The following CECR2 variants were observed in gnomAD, a reference collection of about 807,000 sequenced individuals.
CECR2 encodes CECR2 histone acetyl-lysine reader.
A neutral mutation model predicts 154.5 loss-of-function variants in CECR2; 30 were observed. That is an observed-to-expected ratio of 0.19 (90% CI 0.15 to 0.26). The LOEUF (loss-of-function observed/expected upper bound fraction) is 0.26. CECR2 is among the 10% of genes least tolerant of loss of function. The pLI is 1.00. For synonymous variants in CECR2, 725 were observed against 683.7 expected, an observed-to-expected ratio of 1.06 and a Z score of -0.94; for missense variants, 1,743 against 1,829.3, an observed-to-expected ratio of 0.95 and a Z score of 0.86.
intron 1 of CECR2, among the ~76,000 whole-genome samples, chr22:17,377,874 A>G (rs1432357923): frequency 6.6e-6 from 1 of 152,156 alleles, no homozygotes; most frequent in Non-Finnish European, 1.5e-5. Context: ...TGAGCTCCAG[A>G]TTGTGTTCCT....
chr22:17,375,244 G>C (rs1014997143), intron 1 of CECR2, among the ~76,000 whole-genome samples: 8 of 152,108 alleles, frequency 5.3e-5, no homozygotes, highest in African/African-American at 1.9e-4. Context: ...CTCCCAAGTA[G>C]CTGGGATTAC....
At chr22:17,511,518 ATTT>A (rs36060157) in intron 7 of CECR2, among the ~76,000 whole-genome samples, 5 of 146,458 alleles carry the variant, frequency 3.4e-5, no homozygotes, top group Non-Finnish European at 4.5e-5. Context: ...TGGGAAGATA[ATTT>A]TTTTTTTTTT....
intron 5 of CECR2, among the ~76,000 whole-genome samples, chr22:17,502,235 T>TG (rs1382035845): frequency 2.0e-5 from 3 of 152,194 alleles, no homozygotes; most frequent in Non-Finnish European, 2.9e-5. Context: ...TGAGGTCACA[T>TG]TGTAAGTGGC....
At chr22:17,439,169 T>C (rs1188955999) in intron 1 of CECR2, among the ~76,000 whole-genome samples, 10 of 114,542 alleles carry the variant, frequency 8.7e-5, no homozygotes, top group South Asian at 6.1e-4. Context: ...AAACACTCCC[T>C]TTTTTTTTTT....
chr22:17,469,514 G>A (rs774234324), intron 1 of CECR2, among the ~76,000 whole-genome samples: 35 of 151,988 alleles, frequency 2.3e-4, no homozygotes, highest in Non-Finnish European at 3.5e-4. Context: ...CAGGGGGGAT[G>A]ATTACTGCCA....
chr22:17,524,925 C>T (rs1195092777), intron 9 of CECR2: 4 of 397,214 alleles, frequency 1.0e-5, no homozygotes, highest in Admixed American at 2.7e-5. Context: ...CCTCGGCCTC[C>T]CAAAGTGCTG....
intron 1 of CECR2, among the ~76,000 whole-genome samples, chr22:17,443,746 G>T (rs1350636414): frequency 1.3e-5 from 2 of 152,082 alleles, no homozygotes; most frequent in Non-Finnish European, 2.9e-5. Flanking sequence ...TCCTGGTTTA[G>T]CCTACTTTAT....
At chr22:17,381,104 CG>C (rs138788800) in intron 1 of CECR2, among the ~76,000 whole-genome samples, 9 of 18,342 alleles carry the variant, frequency 4.9e-4, no homozygotes, top group African/African-American at 1.5e-3. Context: ...CGGGGGTGGG[CG>C]GGGGGGAAGG....
intron 2 of CECR2, among the ~76,000 whole-genome samples, chr22:17,480,455 C>G (rs1397190060): frequency 4.8e-4 from 70 of 146,238 alleles, no homozygotes; most frequent in African/African-American, 1.8e-3. Flanking sequence ...CACACACACA[C>G]ACACAGAGAA....
intron 5 of CECR2, among the ~76,000 whole-genome samples, chr22:17,501,426 C>T (rs1379018869): frequency 5.9e-5 from 9 of 151,966 alleles, no homozygotes; most frequent in South Asian, 2.1e-4. Flanking sequence ...GTCGTGGTGG[C>T]GGGTGCCTGT....
At chr22:17,369,172 T>G (rs915254231), upstream of CECR2, among the ~76,000 whole-genome samples, 15 of 150,952 alleles carry the variant, frequency 9.9e-5, no homozygotes, top group African/African-American at 3.4e-4. Flanking sequence ...GTGGGAGAGC[T>G]CCTGGCCGTC....
intron 1 of CECR2, among the ~76,000 whole-genome samples, chr22:17,404,278 CCAA>C (rs1212993517): frequency 1.8e-5 from 1 of 56,662 alleles, no homozygotes; most frequent in African/African-American, 6.8e-5. Flanking sequence ...GACCCCCCTG[CCAA>C]AAAAAAAAAA....
chr22:17,428,990 G>C (rs995888204), intron 1 of CECR2, among the ~76,000 whole-genome samples: 1 of 152,000 alleles, frequency 6.6e-6, no homozygotes, highest in Non-Finnish European at 1.5e-5. Flanking sequence ...CAGTGTACAT[G>C]TGTGAGTCTA....
At chr22:17,538,445 C>G (rs1013825302) in intron 10 of CECR2, 75 bp from the exon 11 acceptor site, 193 of 1,324,726 alleles carry the variant, frequency 1.5e-4, no homozygotes, top group Middle Eastern at 2.4e-4. Context: ...TCAGGTGTGT[C>G]TGCGATAGAC....
Position 17,542,149 on chromosome 22 carries a change from G to A in CECR2, c.2014-8G>A, listed in dbSNP as rs566787798. On this transcript the variant is annotated splice_region_variant and splice_polypyrimidine_tract_variant and intron_variant, in intron 15 of 18. Transcript: ENST00000262608. ...GTCTGTAACTGTGCTGCCTTTTCTC[G>A]TTGCCAGCCTCCAGTTGGAATTAAC... 1.4e-5 allele frequency: 22 copies of A among 1,606,014 alleles called. No homozygotes were observed. The highest frequency in any genetic ancestry group is 7.7e-5 in the South Asian group (7 of 90,672).
At chr22:17,523,769 A>AG (rs922891096) in intron 8 of CECR2, among the ~76,000 whole-genome samples, 3 of 151,098 alleles carry the variant, frequency 2.0e-5, no homozygotes, top group African/African-American at 4.9e-5. Context: ...AAAAAAAAAA[A>AG]AAAAAAGAAA....
At chr22:17,543,274 A>G (rs1337600887) in intron 16 of CECR2, among the ~76,000 whole-genome samples, 2 of 152,028 alleles carry the variant, frequency 1.3e-5, no homozygotes, top group Non-Finnish European at 2.9e-5. Context: ...CTGGGACTAC[A>G]GGCACCCGCC....
rs149472660 is a variant in CECR2, at chr22:17,459,485, T to G, written c.127-18103T>G. The stretch of plus-strand genomic sequence containing the variant: ...TTTTTGTGTGTGTTTTTTTTTGTTT[T>G]TGGTTTTTGTAAAGACAGAGTTTCA... On this transcript the variant is annotated intron_variant, in intron 1 of 18. Coordinates refer to ENST00000262608, the MANE Select transcript of CECR2 (RefSeq NM_001290047.2). 2.0e-3 allele frequency among the ~76,000 whole-genome samples: 309 copies of G among 152,132 alleles called. 1 individual carries two copies. Among genetic ancestry groups the G allele is most frequent in the African/African-American group, 7.0e-3 (289 of 41,502 alleles).
intron 1 of CECR2, among the ~76,000 whole-genome samples, chr22:17,392,509 C>G (rs999543411): frequency 3.3e-5 from 5 of 151,624 alleles, no homozygotes; most frequent in African/African-American, 1.2e-4. Flanking sequence ...TAAAATAAAA[C>G]AAAACCAGGC....
Sources: allele counts gnomAD v4.1 joint callset (sites outside exome capture counted in the v4.1 genomes callset), GRCh38; gene constraint gnomAD v4.1.1; transcripts MANE v1.5; gene names NCBI Gene and HGNC (gene_info 2026-07-23, HGNC 2026-07-21).